Variants in ADGRF1 observed in about 807,000 individuals in gnomAD.
ADGRF1 encodes adhesion G protein-coupled receptor F1.
In ADGRF1, 85 loss-of-function variants were observed where a neutral mutation model predicts 87.2. The observed-to-expected ratio is 0.97, with a 90% CI of 0.82 to 1.17. The LOEUF (loss-of-function observed/expected upper bound fraction) is 1.17. Ranked by LOEUF, ADGRF1 falls within the 50% of genes most tolerant of loss-of-function variation. The pLI is 0.00. For missense variants in ADGRF1, 1,169 were observed against 1,077.2 expected, an observed-to-expected ratio of 1.09 and a Z score of -1.19; for synonymous variants, 430 against 408.8, an observed-to-expected ratio of 1.05 and a Z score of -0.63.
intron 14 of ADGRF1, 51 bp from the exon 15 acceptor site, chr6:47,000,346 G>T: frequency 1.5e-6 from 2 of 1,344,070 alleles, no homozygotes; most frequent in Non-Finnish European, 2.1e-6. Context: ...TTGAAATCAA[G>T]CATGAGACCA....
intron 3 of ADGRF1, 129 bp downstream of exon 3, chr6:47,027,575 C>A: frequency 1.6e-6 from 1 of 635,594 alleles, no homozygotes; most frequent in Non-Finnish European, 2.8e-6. Flanking sequence ...CTGTCATTCT[C>A]CTTGTACATA....
chr6:47,000,436 G>C (rs1406486389), intron 14 of ADGRF1, 141 bp from the exon 15 acceptor site: 25 of 577,682 alleles, frequency 4.3e-5, no homozygotes, highest in Non-Finnish European at 6.3e-5. Flanking sequence ...AAAGACTGTG[G>C]TTGGTGGAGA....
intron 11 of ADGRF1, 56 bp from the exon 12 acceptor site, chr6:47,007,350 A>C: frequency 9.2e-7 from 1 of 1,089,968 alleles, no homozygotes; most frequent in Non-Finnish European, 1.4e-6. Flanking sequence ...CCAAAAAAGA[A>C]AGCATTTATA....
Position 47,024,192 on chromosome 6 carries a change from C to T in ADGRF1, c.303G>A (p.Leu101=). The change falls in exon 5 of 15, where the codon CTG becomes CTA. Residue 101 remains leucine (L), a synonymous_variant. Coordinates refer to ENST00000371253, the MANE Select transcript of ADGRF1 (RefSeq NM_153840.4). ...TTDCNSLNGV[L]QCTCEDSYTW... ...TGTAGCTGTCTTCACAGGTACACTG[C>T]AGGACTCCATTCAGGCTGTTGCAGT... 2 of 1,613,936 alleles carry T rather than the reference C, an allele frequency of 1.2e-6. No homozygotes were observed. Among genetic ancestry groups the T allele is most frequent in the Non-Finnish European group, 1.7e-6 (2 of 1,179,872 alleles).
rs548623572 is a variant in ADGRF1, at chr6:47,027,836, A to C, written c.70-75T>G. 437 of 900,468 alleles carry C rather than the reference A, an allele frequency of 4.9e-4. 2 individuals are homozygous for C. The African/African-American group carries it at 6.5e-3, about 13-fold the overall frequency. The allele number at this position is 900,468 out of a possible 1,614,324, so 55.8% of individuals were successfully genotyped here. A position where few individuals can be genotyped will look rare whatever the true frequency, so the allele number is the denominator to read the frequency against. On this transcript the variant is annotated intron_variant, in intron 2 of 14. Coordinates refer to ENST00000371253, the MANE Select transcript of ADGRF1 (RefSeq NM_153840.4). Reference sequence around the variant, plus strand: ...TTCATAAGGCCTTGCTGAGTTTCCCAGATGAATTAAAATCATGAATCTAAA... The same window carrying C: ...TTCATAAGGCCTTGCTGAGTTTCCCCGATGAATTAAAATCATGAATCTAAA...
In ADGRF1 at chr6:47,029,026, G is replaced by T; in HGVS notation, c.36C>A (p.Phe12Leu). 2 of 1,614,144 alleles carry T rather than the reference G, an allele frequency of 1.2e-6. No individual in the cohort carries two copies. The highest frequency in any genetic ancestry group is 1.3e-5 in the African/African-American group (1 of 75,040). The change falls in exon 2 of 15, where the codon TTC becomes TTA. Residue 12 changes from phenylalanine to leucine, a missense_variant. Physicochemically the swap from Phe to Leu is conservative, Grantham distance 22. Coordinates refer to ENST00000371253, the MANE Select transcript of ADGRF1 (RefSeq NM_153840.4). ...AGCCACCGTGGCCGTCAGTGAAGGT[G>T]AAGAAAGAAATGAGCCACAGCACTC... ...KVGVLWLISF[F>L]TFTDGHGGFL...
At chr6:47,013,932 T>C (rs1326468510) in intron 9 of ADGRF1, 3 of 153,658 alleles carry the variant, frequency 2.0e-5, no homozygotes, top group African/African-American at 7.3e-5. Flanking sequence ...TGTGCTTACT[T>C]CCCTTTCGCC....
At chr6:47,014,617 C>T (rs1057295904) in intron 9 of ADGRF1, 64 bp downstream of exon 9, 3 of 1,576,516 alleles carry the variant, frequency 1.9e-6, no homozygotes, top group Non-Finnish European at 2.6e-6. Context: ...TAGCCATGCT[C>T]ACTGGGATAT....
Position 47,012,209 on chromosome 6 carries a change from T to A in ADGRF1, c.928-14A>T, listed in dbSNP as rs1462714873. On this transcript the variant is annotated splice_polypyrimidine_tract_variant and intron_variant, in intron 9 of 14. Transcript: ENST00000371253. ...CATACTGAAATTCTAGAAGCGAAAA[T>A]GGTTAAGTTCTAGAAAACAATGACA... is the stretch of plus-strand genomic sequence containing the variant. The A allele has an allele frequency of 1.9e-6, 3 of 1,604,548 alleles. No homozygotes were observed. The highest frequency in any genetic ancestry group is 2.6e-6 in the Non-Finnish European group (3 of 1,172,026).
intron 1 of ADGRF1, among the ~76,000 whole-genome samples, chr6:47,033,271 C>T (rs1241235843): frequency 2.0e-5 from 3 of 152,236 alleles, no homozygotes; most frequent in Admixed American, 6.5e-5. Context: ...AATTCATTCC[C>T]TGTCCTTCAG....
chr6:47,005,064 G>A (rs908903553), intron 13 of ADGRF1, among the ~76,000 whole-genome samples: 1 of 152,182 alleles, frequency 6.6e-6, no homozygotes, highest in Non-Finnish European at 1.5e-5. Flanking sequence ...TTTGGATGCA[G>A]TTAAGTCAGT....
chr6:47,009,787 G>A lies in ADGRF1; in HGVS notation c.1648C>T (p.His550Tyr), dbSNP rs1188985381. 6 of 1,614,128 alleles carry A rather than the reference G, an allele frequency of 3.7e-6. No homozygotes were observed. The highest frequency in any genetic ancestry group is 5.1e-6 in the Non-Finnish European group (6 of 1,180,016). ...ATGTCTTGAGTTTCATTCACTAGGT[G>A]GCAGCCTGCATCGTTCCACTGCAAA... ...SHLQWNDAGC[H>Y]LVNETQDIVT... The change falls in exon 11 of 15, where the codon CAC becomes TAC. Residue 550 changes from histidine to tyrosine, a missense_variant. Coordinates refer to ENST00000371253, the MANE Select transcript of ADGRF1 (RefSeq NM_153840.4).
Position 47,009,255 on chromosome 6 carries a change from T to C in ADGRF1, c.2180A>G (p.Tyr727Cys), listed in dbSNP as rs747405309. Residue 727 changes from tyrosine to cysteine, a missense_variant, in exon 11 of 15, where the codon TAC becomes TGC. Coordinates refer to ENST00000371253, the MANE Select transcript of ADGRF1 (RefSeq NM_153840.4). Reference protein sequence around the residue: ...TIAVTQPSNTYKRKDVCWLNW... With the variant: ...TIAVTQPSNTCKRKDVCWLNW... ...AAGCCAACACACATCTTTCCTTTTG[T>C]AGGTATTGCTAGGTTGCGTGACAGC... 1 of 1,614,124 alleles carries C rather than the reference T, an allele frequency of 6.2e-7. No individual in the cohort carries two copies. The highest frequency in any genetic ancestry group is 8.5e-7 in the Non-Finnish European group (1 of 1,180,010).
rs759708287 is a variant in ADGRF1, at chr6:46,997,761, T to C, written c.*2461A>G. 2.6e-5 allele frequency: 4 copies of C among 152,222 alleles called. No individual in the cohort carries two copies. The highest frequency in any genetic ancestry group is 2.6e-4 in the Admixed American group (4 of 15,278). 9.4% of individuals were successfully genotyped at this position (152,222 alleles called of 1,614,324 possible). A position where few individuals can be genotyped will look rare whatever the true frequency, so the allele number is the denominator to read the frequency against. On this transcript the variant is annotated 3_prime_UTR_variant, in exon 15 of 15. Transcript: ENST00000371253. ...TTAGTAGCATTTTGAGGTGAATGTA[T>C]GCATAATCAGTGAATTAGACAAGCA...
intron 14 of ADGRF1, among the ~76,000 whole-genome samples, chr6:47,001,197 A>G (rs1240965626): frequency 6.6e-6 from 1 of 152,192 alleles, no homozygotes; most frequent in Non-Finnish European, 1.5e-5. Flanking sequence ...GTCTAACCAC[A>G]CTCCTTCCCT....
At position 47,000,311 on chromosome 6, in the gene ADGRF1, A is replaced by T; in HGVS notation, c.2660-16T>A. The T allele has an allele frequency of 6.4e-7, 1 of 1,565,176 alleles. No individual in the cohort carries two copies. Among genetic ancestry groups the T allele is most frequent in the South Asian group, 1.1e-5 (1 of 87,460 alleles). On this transcript the variant is annotated splice_polypyrimidine_tract_variant and intron_variant, in intron 14 of 14. Coordinates refer to ENST00000371253, the MANE Select transcript of ADGRF1 (RefSeq NM_153840.4). ...GCATAATGGCCTGAAGGGGAAAAAA[A>T]AAGGAAATAATTATTGTTACTCTGT... is the stretch of plus-strand genomic sequence containing the variant.
At chr6:47,005,620 C>A (rs971620620) in intron 13 of ADGRF1, among the ~76,000 whole-genome samples, 197 bp downstream of exon 13, 1 of 152,182 alleles carries the variant, frequency 6.6e-6, no homozygotes, top group Non-Finnish European at 1.5e-5. Flanking sequence ...TTCACAGTCA[C>A]TCATTTAATC....
chr6:47,002,416 A>G (rs1779387696), intron 13 of ADGRF1, among the ~76,000 whole-genome samples: 1 of 152,222 alleles, frequency 6.6e-6, no homozygotes, highest in Non-Finnish European at 1.5e-5. Flanking sequence ...AGAATTAAAA[A>G]TATTTGAAAC....
intron 9 of ADGRF1, chr6:47,013,548 T>G: frequency 4.1e-6 from 4 of 985,548 alleles, no homozygotes; most frequent in Non-Finnish European, 4.8e-6. Flanking sequence ...TTGGGGTCCT[T>G]CTTTTCTGTG....
Sources: allele counts gnomAD v4.1 joint callset (sites outside exome capture counted in the v4.1 genomes callset), GRCh38; gene constraint gnomAD v4.1.1; transcripts MANE v1.5; gene names NCBI Gene and HGNC (gene_info 2026-07-23, HGNC 2026-07-21).